Variants in TM7SF3 observed in about 807,000 individuals in gnomAD.
TM7SF3 encodes the protein seven span transmembrane protein.
Under a neutral mutation model 65.5 loss-of-function variants are expected in TM7SF3, and 60 were observed. That is an observed-to-expected ratio of 0.92 (90% CI 0.74 to 1.14). The LOEUF (loss-of-function observed/expected upper bound fraction) is 1.14. TM7SF3 is among the 50% of genes most tolerant of loss of function. TM7SF3 has a pLI of 0.00. For missense variants in TM7SF3, 623 were observed against 684.8 expected (o/e 0.91, Z 1.01); for synonymous variants, 264 against 259.6 (o/e 1.02, Z -0.16).
chr12:27,012,719 G>C (rs1941291113), intron 1 of TM7SF3: 2 of 455,986 alleles, frequency 4.4e-6, no homozygotes, highest in Non-Finnish European at 8.8e-6. Context: ...CCTGAAATCG[G>C]CCGGGCGCGG....
At chr12:26,981,714 T>A (rs1450939967) in intron 7 of TM7SF3, among the ~76,000 whole-genome samples, 1 of 152,202 alleles carries the variant, frequency 6.6e-6, no homozygotes, top group African/African-American at 2.4e-5. Context: ...CTTTATTAGA[T>A]CAGGATTACA....
At chr12:26,990,673 A>G (rs779777724) in intron 5 of TM7SF3, 46 bp from the exon 6 acceptor site, 9 of 1,512,272 alleles carry the variant, frequency 6.0e-6, no homozygotes, top group Middle Eastern at 1.8e-4. Flanking sequence ...GGATTTTTTT[A>G]AGCTATTCTG....
rs749114403 is a variant in TM7SF3 at position 26,999,615 on chromosome 12, G to A, written c.308C>T (p.Pro103Leu). The change falls in exon 3 of 12, where the codon CCA becomes CTA. Residue 103 changes from proline to leucine, a missense_variant. Coordinates refer to ENST00000343028, the MANE Select transcript of TM7SF3 (RefSeq NM_016551.3). ...TASGLVFILR[P>L]EQSTCTWYLG... ...GTACCAAGTGCATGTACTCTGCTCTGGTCTAAGGATGAAAACCAGTCCACT... is the reference window on the plus strand; with the variant it reads ...GTACCAAGTGCATGTACTCTGCTCTAGTCTAAGGATGAAAACCAGTCCACT... 1 of 1,614,086 alleles carries A rather than the reference G, an allele frequency of 6.2e-7. No homozygotes were observed. Among genetic ancestry groups the A allele is most frequent in the African/African-American group, 1.3e-5 (1 of 75,018 alleles).
intron 6 of TM7SF3, among the ~76,000 whole-genome samples, chr12:26,987,735 G>A (rs772896505): frequency 9.2e-5 from 14 of 152,188 alleles, no homozygotes; most frequent in Non-Finnish European, 1.5e-4. Context: ...AAACTAGCAA[G>A]TGAGAGTTTG....
intron 5 of TM7SF3, among the ~76,000 whole-genome samples, chr12:26,994,508 G>A (rs1394877612): frequency 6.6e-6 from 1 of 152,140 alleles, no homozygotes; most frequent in Non-Finnish European, 1.5e-5. Context: ...CAACATGCCT[G>A]GCTAATTTTT....
intron 5 of TM7SF3, among the ~76,000 whole-genome samples, chr12:26,991,246 G>A (rs1293414318): frequency 9.7e-5 from 14 of 144,448 alleles, no homozygotes; most frequent in South Asian, 9.1e-4. Flanking sequence ...TCCGCTTCCC[G>A]GGTTCACGCC....
intron 1 of TM7SF3, among the ~76,000 whole-genome samples, chr12:27,008,524 A>C (rs912519781): frequency 6.6e-6 from 1 of 152,098 alleles, no homozygotes; most frequent in Non-Finnish European, 1.5e-5. Context: ...TCATTTTAGC[A>C]GTCAATTTCA....
chr12:26,980,215 C>A (rs983424355), intron 8 of TM7SF3: 2 of 561,826 alleles, frequency 3.6e-6, no homozygotes, highest in Non-Finnish European at 6.3e-6. Context: ...GACAAGCATT[C>A]TGTTAAACAT....
intron 5 of TM7SF3, among the ~76,000 whole-genome samples, chr12:26,991,011 G>A (rs1940331555): frequency 6.6e-6 from 1 of 152,178 alleles, no homozygotes; most frequent in Non-Finnish European, 1.5e-5. Flanking sequence ...CACAGAGGAT[G>A]TGTCCAATGT....
chr12:26,976,225 TAATC>T (rs1939556341), intron 10 of TM7SF3, 31 bp downstream of exon 10: 2 of 1,450,854 alleles, frequency 1.4e-6, no homozygotes, highest in South Asian at 1.1e-5. Context: ...CAGGATAACA[TAATC>T]AATAAATCTA....
intron 3 of TM7SF3, among the ~76,000 whole-genome samples, chr12:26,999,177 A>T (rs2136432410): frequency 6.6e-6 from 1 of 152,148 alleles, no homozygotes; most frequent in East Asian, 1.9e-4. Flanking sequence ...CGGGCGAATC[A>T]CAAGGTCAGG....
At chr12:26,996,200 G>A (rs1198664107) in intron 4 of TM7SF3, among the ~76,000 whole-genome samples, 1 of 151,490 alleles carries the variant, frequency 6.6e-6, no homozygotes, top group African/African-American at 2.4e-5. Context: ...TCATTTGTTA[G>A]CAAGTAGGGT....
chr12:26,977,311 T>C (rs748065783), intron 9 of TM7SF3, among the ~76,000 whole-genome samples: 1 of 152,268 alleles, frequency 6.6e-6, no homozygotes, highest in Non-Finnish European at 1.5e-5. Flanking sequence ...GAAATCTAAG[T>C]ATTGAAAATA....
At chr12:27,007,182 G>A (rs1357482746) in intron 1 of TM7SF3, among the ~76,000 whole-genome samples, 1 of 152,108 alleles carries the variant, frequency 6.6e-6, no homozygotes, top group African/African-American at 2.4e-5. Flanking sequence ...TGAATTTCAG[G>A]AATAATTACA....
In TM7SF3 at chr12:27,004,991, C is replaced by T. The variant is rs139765242; in HGVS notation, c.92-1601G>A. Among the ~76,000 whole-genome samples, 62 of 152,154 alleles carry T rather than the reference C, an allele frequency of 4.1e-4. No homozygotes were observed. The South Asian group carries it at 8.5e-3, about 21-fold the overall frequency. On this transcript the variant is annotated intron_variant, in intron 1 of 11. Coordinates refer to ENST00000343028, the MANE Select transcript of TM7SF3 (RefSeq NM_016551.3). Reference sequence around the variant, plus strand: ...GAAGTCTGGAAAAAGTTTGTGTGCACGTGTTTTTTCTTTTTAAAAAGAAAC... The same window carrying T: ...GAAGTCTGGAAAAAGTTTGTGTGCATGTGTTTTTTCTTTTTAAAAAGAAAC...
chr12:27,002,070 C>T (rs1044042202), intron 2 of TM7SF3, among the ~76,000 whole-genome samples: 10 of 152,140 alleles, frequency 6.6e-5, no homozygotes, highest in Admixed American at 3.3e-4. Flanking sequence ...ACGTGCACAA[C>T]CACATGCACA....
chr12:26,976,817 G>C (rs1939586665), intron 9 of TM7SF3, among the ~76,000 whole-genome samples: 1 of 152,168 alleles, frequency 6.6e-6, no homozygotes, highest in South Asian at 2.1e-4. Flanking sequence ...AATGTAAACA[G>C]TGAGTCCACT....
intron 2 of TM7SF3, among the ~76,000 whole-genome samples, chr12:27,002,952 C>T (rs557134920): frequency 3.3e-5 from 5 of 152,280 alleles, no homozygotes; most frequent in Admixed American, 2.0e-4. Context: ...TGGGAATTCA[C>T]GAAGAAAACT....
intron 3 of TM7SF3, among the ~76,000 whole-genome samples, chr12:26,997,823 CTTTTTTT>C (rs3071165): frequency 8.8e-6 from 1 of 114,062 alleles, no homozygotes; most frequent in Admixed American, 1.1e-4. Flanking sequence ...TTACCACTTC[CTTTTTTT>C]TTTTTTTTTT....
Sources: allele counts gnomAD v4.1 joint callset (sites outside exome capture counted in the v4.1 genomes callset), GRCh38; gene constraint gnomAD v4.1.1; transcripts MANE v1.5; gene names NCBI Gene and HGNC (gene_info 2026-07-23, HGNC 2026-07-21).